Variants in PTBP3 observed in about 807,000 individuals in gnomAD.
The protein encoded by PTBP3 is polypyrimidine tract-binding protein 3.
Under a neutral mutation model 58.7 loss-of-function variants are expected in PTBP3, and 20 were observed. That is an observed-to-expected ratio of 0.34 (90% CI 0.24 to 0.50). The LOEUF (loss-of-function observed/expected upper bound fraction) is 0.50. Ranked by LOEUF, PTBP3 falls within the 20% of genes least tolerant of loss-of-function variation. The probability of loss-of-function intolerance (pLI) is 0.98; values close to 1 mark genes in which losing one functional copy is unlikely to be tolerated. For synonymous variants in PTBP3, 185 were observed against 219.8 expected (o/e 0.84, Z 1.40); for missense variants, 509 against 637.2 (o/e 0.80, Z 2.17).
In PTBP3 at chr9:112,221,133, T is replaced by C. The variant is rs1441604582; in HGVS notation, c.*2718A>G. 2.0e-5 allele frequency: 20 copies of C among 985,692 alleles called. No individual in the cohort carries two copies. The South Asian group carries it at 8.0e-4, about 39-fold the overall frequency. The allele number at this position is 985,692 out of a possible 1,614,324, so 61.1% of individuals were successfully genotyped here. ...AGACACAAACTGATGGTTTCAAACA[T>C]GCTATTTTAAAACAAGAACATCCCA... On this transcript the variant is annotated 3_prime_UTR_variant, in exon 14 of 14. Coordinates refer to ENST00000374257, the MANE Select transcript of PTBP3 (RefSeq NM_001163788.4).
chr9:112,227,859 G>C (rs1299022096), intron 11 of PTBP3, among the ~76,000 whole-genome samples: 2 of 152,162 alleles, frequency 1.3e-5, no homozygotes, highest in East Asian at 3.8e-4. Context: ...TGAGCAGAGT[G>C]CTATGAAGTT....
At chr9:112,320,310 A>T (rs1192854304) in intron 1 of PTBP3, among the ~76,000 whole-genome samples, 3 of 50,192 alleles carry the variant, frequency 6.0e-5, no homozygotes, top group Non-Finnish European at 1.0e-4. Flanking sequence ...ATATATATAT[A>T]TATATTTTTT....
At position 112,220,559 on chromosome 9, in the gene PTBP3, G is replaced by A. The variant is rs1834773045; in HGVS notation, c.*3292C>T. ...AAACTGAGCTCAGCAACTTTTAACA[G>A]TAAATCAGAAACATTACTTCAAATA... On this transcript the variant is annotated 3_prime_UTR_variant, in exon 14 of 14. Transcript: ENST00000374257. 9.9e-7 allele frequency: 1 copy of A among 1,005,294 alleles called. No individual in the cohort carries two copies. The highest frequency in any genetic ancestry group is 1.7e-5 in the African/African-American group (1 of 57,394). 62.3% of individuals were successfully genotyped at this position (1,005,294 alleles called of 1,614,324 possible). A position where few individuals can be genotyped will look rare whatever the true frequency, so the allele number is the denominator to read the frequency against.
chr9:112,253,275 C>A (rs1298199424), intron 5 of PTBP3, among the ~76,000 whole-genome samples: 1 of 152,064 alleles, frequency 6.6e-6, no homozygotes, highest in Non-Finnish European at 1.5e-5. Context: ...AAACAAATGA[C>A]AAATATCCTA....
intron 1 of PTBP3, among the ~76,000 whole-genome samples, chr9:112,323,663 C>G (rs1830039051): frequency 6.6e-6 from 1 of 152,140 alleles, no homozygotes; most frequent in African/African-American, 2.4e-5. Context: ...GTAGGCTGGA[C>G]ACGGCTGAGG....
At position 112,256,079 on chromosome 9, in the gene PTBP3, C is replaced by A. The variant is rs548757079; in HGVS notation, c.517-3291G>T. 3.6e-4 allele frequency among the ~76,000 whole-genome samples: 54 copies of A among 151,748 alleles called. No individual in the cohort carries two copies. In the East Asian group the frequency reaches 9.9e-3, roughly 28 times the overall value. ...GACCAGGGTGGCCAACATGGTGAAA[C>A]CCCATCTCTACTAAAAATACAAAAA... On this transcript the variant is annotated intron_variant, in intron 5 of 13. Coordinates refer to ENST00000374257, the MANE Select transcript of PTBP3 (RefSeq NM_001163788.4).
intron 1 of PTBP3, among the ~76,000 whole-genome samples, chr9:112,326,176 T>C (rs1830148707): frequency 6.6e-6 from 1 of 152,208 alleles, no homozygotes; most frequent in Admixed American, 6.5e-5. Context: ...GTGTCAAATT[T>C]TACTGAATTG....
intron 4 of PTBP3, among the ~76,000 whole-genome samples, chr9:112,265,702 G>C (rs537558836): frequency 6.6e-6 from 1 of 152,268 alleles, no homozygotes; most frequent in East Asian, 1.9e-4. Context: ...AAGCATGTTA[G>C]ACGAGACTGT....
rs372313393 is a variant in PTBP3 at position 112,307,845 on chromosome 9, C to A, written c.-51-9929G>T. 7.2e-5 allele frequency among the ~76,000 whole-genome samples: 11 copies of A among 152,310 alleles called. No homozygotes were observed. The East Asian group carries it at 2.1e-3, about 29-fold the overall frequency. ...GTTCTGTATTATTACTTTAAACCAACCTTGTCCAACATGCAGCCCATGGGC... is the reference window on the plus strand; with the variant it reads ...GTTCTGTATTATTACTTTAAACCAAACTTGTCCAACATGCAGCCCATGGGC... On this transcript the variant is annotated intron_variant, in intron 1 of 13. Coordinates refer to ENST00000374257, the MANE Select transcript of PTBP3 (RefSeq NM_001163788.4).
At chr9:112,295,601 T>TAAAAAAAAAA (rs35276003) in intron 2 of PTBP3, among the ~76,000 whole-genome samples, 2 of 92,522 alleles carry the variant, frequency 2.2e-5, no homozygotes, top group Admixed American at 1.2e-4. Context: ...GTTCTGTTGG[T>TAAAAAAAAAA]AAAAAAAAAA....
chr9:112,242,514 C>G (rs928138922), intron 7 of PTBP3: 5 of 152,280 alleles, frequency 3.3e-5, no homozygotes, highest in African/African-American at 1.2e-4. Context: ...ATGTCTTCTT[C>G]TGGAAATTTT....
intron 1 of PTBP3, among the ~76,000 whole-genome samples, chr9:112,320,287 A>ATATATATATATATATAT (rs1222194244): frequency 2.5e-5 from 1 of 39,520 alleles, no homozygotes; most frequent in African/African-American, 2.7e-4. Flanking sequence ...CTTAAAAAAA[A>ATATATATATATATATAT]AAAAATATAT....
At chr9:112,286,931 T>C (rs760240657) in intron 2 of PTBP3, among the ~76,000 whole-genome samples, 10 of 152,304 alleles carry the variant, frequency 6.6e-5, no homozygotes, top group Admixed American at 2.6e-4. Flanking sequence ...GATGCTTCAT[T>C]GTCTTCTGGC....
the PTBP3 span, among the ~76,000 whole-genome samples, chr9:112,339,680 C>T: frequency 6.6e-6 from 1 of 151,810 alleles, no homozygotes; most frequent in Admixed American, 6.6e-5. Context: ...TCTCCTGCCT[C>T]AGCCTCCCAA....
intron 2 of PTBP3, among the ~76,000 whole-genome samples, chr9:112,293,638 G>C (rs1828541944): frequency 6.6e-6 from 1 of 152,180 alleles, no homozygotes; most frequent in Non-Finnish European, 1.5e-5. Context: ...TGAGAAAAAA[G>C]TGCAACTTCT....
At position 112,223,922 on chromosome 9, in the gene PTBP3, T is replaced by C. The variant is rs1834887377; in HGVS notation, c.1504A>G (p.Ile502Val). The change falls in exon 14 of 14, where the codon ATT (isoleucine) becomes GTT (valine). Residue 502 changes from isoleucine to valine, a missense_variant. Transcript: ENST00000374257. The stretch of plus-strand genomic sequence containing the variant: ...CCAAGGTCATGGTTATGAAGCTCAA[T>C]GAGGGCCTGAATTGCTTCTTCCACA... ...GSVEEAIQAL[I>V]ELHNHDLGEN... 5 of 1,613,842 alleles carry C rather than the reference T, an allele frequency of 3.1e-6. No homozygotes were observed. Among genetic ancestry groups the C allele is most frequent in the East Asian group, 2.2e-5 (1 of 44,852 alleles).
chr9:112,285,084 C>G (rs1342959387), intron 2 of PTBP3, among the ~76,000 whole-genome samples: 3 of 152,160 alleles, frequency 2.0e-5, no homozygotes, highest in African/African-American at 7.2e-5. Context: ...TGTGTTTCCA[C>G]CAAATCTCAT....
the PTBP3 span, among the ~76,000 whole-genome samples, chr9:112,357,164 G>A: frequency 6.6e-6 from 1 of 151,954 alleles, no homozygotes. Flanking sequence ...TTACAGGCAT[G>A]AGCCACCGCA....
intron 1 of PTBP3, chr9:112,330,380 A>G: frequency 8.1e-7 from 1 of 1,235,998 alleles, no homozygotes; most frequent in Non-Finnish European, 1.2e-6. Context: ...TGAACAGGTG[A>G]GACTGAAAAT....
Sources: allele counts gnomAD v4.1 joint callset (sites outside exome capture counted in the v4.1 genomes callset), GRCh38; gene constraint gnomAD v4.1.1; transcripts MANE v1.5; gene names NCBI Gene and HGNC (gene_info 2026-07-23, HGNC 2026-07-21).